Variants in CDH18 observed in about 807,000 individuals in gnomAD.
The protein encoded by CDH18 is cadherin 18.
In CDH18, 31 loss-of-function variants were observed where a neutral mutation model predicts 67.9. The ratio of observed to expected loss-of-function variants is 0.46; its 90% CI spans 0.34 to 0.62. CDH18 has a LOEUF of 0.62. Ranked by LOEUF, CDH18 falls within the 20% of genes least tolerant of loss-of-function variation. The pLI, the probability that CDH18 is intolerant of heterozygous loss-of-function variation, is 0.01. For synonymous variants in CDH18, 362 were observed against 347.2 expected, an observed-to-expected ratio of 1.04 and a Z score of -0.48; for missense variants, 890 against 975.5, an observed-to-expected ratio of 0.91 and a Z score of 1.17.
At chr5:20,456,462 C>T (rs1052406928) in intron 1 of CDH18, among the ~76,000 whole-genome samples, 1 of 152,098 alleles carries the variant, frequency 6.6e-6, no homozygotes, top group Non-Finnish European at 1.5e-5. Context: ...AAACAACCCT[C>T]CACTCAAATG....
At chr5:19,717,592 T>C (rs537401063) in intron 5 of CDH18, among the ~76,000 whole-genome samples, 30 of 152,200 alleles carry the variant, frequency 2.0e-4, no homozygotes, top group African/African-American at 7.2e-4. Flanking sequence ...GAAATATTGA[T>C]TTATTTTTAA....
intron 2 of CDH18, among the ~76,000 whole-genome samples, chr5:20,025,928 G>T (rs959205703): frequency 2.0e-5 from 3 of 152,054 alleles, no homozygotes; most frequent in Non-Finnish European, 2.9e-5. Flanking sequence ...ACCTGTGCTT[G>T]GAAATATGTT....
chr5:20,376,068 A>G (rs894234264), intron 1 of CDH18, among the ~76,000 whole-genome samples: 2 of 144,012 alleles, frequency 1.4e-5, no homozygotes, highest in African/African-American at 5.0e-5. Flanking sequence ...CGGATCAAAC[A>G]GTAAGCAATT....
At chr5:20,540,962 A>G (rs531663454) in intron 1 of CDH18, among the ~76,000 whole-genome samples, 2 of 152,206 alleles carry the variant, frequency 1.3e-5, no homozygotes, top group Non-Finnish European at 2.9e-5. Context: ...CAGTGAAGAC[A>G]TTAGTGATGA....
intron 11 of CDH18, among the ~76,000 whole-genome samples, chr5:19,488,298 T>G (rs774299165): frequency 1.4e-4 from 21 of 152,206 alleles, no homozygotes; most frequent in Non-Finnish European, 5.9e-5. Context: ...ACTGAAATTA[T>G]CAGACACCTA....
chr5:19,953,916 T>C (rs1796028703), intron 2 of CDH18, among the ~76,000 whole-genome samples: 1 of 152,098 alleles, frequency 6.6e-6, no homozygotes, highest in Admixed American at 6.6e-5. Context: ...ACTAGAGTTA[T>C]AATTTTTCCT....
At chr5:20,151,510 T>C (rs1370133581) in intron 2 of CDH18, among the ~76,000 whole-genome samples, 1 of 152,122 alleles carries the variant, frequency 6.6e-6, no homozygotes, top group African/African-American at 2.4e-5. Context: ...TACCCAATAA[T>C]GGGATTGTTG....
chr5:19,719,929 GA>G, intron 5 of CDH18, among the ~76,000 whole-genome samples: 1 of 150,700 alleles, frequency 6.6e-6, no homozygotes, highest in East Asian at 1.9e-4. Context: ...AAGAAAGAAA[GA>G]AAGAAAGAAA....
intron 1 of CDH18, among the ~76,000 whole-genome samples, chr5:19,984,821 C>T (rs529955330): frequency 9.9e-5 from 15 of 152,244 alleles, no homozygotes; most frequent in Admixed American, 3.9e-4. Flanking sequence ...CAGTTCTTTT[C>T]CATTGTGCTA....
At chr5:20,316,012 T>A (rs944381584) in intron 1 of CDH18, among the ~76,000 whole-genome samples, 1 of 152,080 alleles carries the variant, frequency 6.6e-6, no homozygotes, top group Non-Finnish European at 1.5e-5. Context: ...TAGACAAGCA[T>A]GACACGATCA....
rs144839584 is a variant in CDH18 at position 19,900,399 on chromosome 5, A to G, written c.-256-61157T>C. Among the ~76,000 whole-genome samples, 255 of 152,312 alleles carry G rather than the reference A, an allele frequency of 1.7e-3. 3 individuals are homozygous for G. The highest frequency in any genetic ancestry group is 5.2e-3 in the African/African-American group (216 of 41,584). On this transcript the variant is annotated intron_variant, in intron 2 of 12. Transcript: ENST00000382275. ...AGAGTGGTTTTTGAATGTTCTCATA[A>G]CAAATAAATGATAAATGTTTAAGCT...
chr5:19,514,901 T>G (rs12659040), intron 10 of CDH18, among the ~76,000 whole-genome samples: 44,593 of 152,082 alleles, frequency 0.29, 6,654 homozygotes, highest in South Asian at 0.4. Flanking sequence ...TTTTGGTGTT[T>G]TAGTCATGAA....
chr5:20,206,440 C>CA (rs376525926), intron 2 of CDH18, among the ~76,000 whole-genome samples: 11 of 149,906 alleles, frequency 7.3e-5, no homozygotes, highest in East Asian at 3.9e-4. Flanking sequence ...TCAAAGTCTT[C>CA]AAAAAAAAAT....
At chr5:19,743,338 T>C (rs1315276286) in intron 4 of CDH18, among the ~76,000 whole-genome samples, 1 of 152,172 alleles carries the variant, frequency 6.6e-6, no homozygotes, top group Admixed American at 6.5e-5. Flanking sequence ...CCTCTAATTG[T>C]TCCTTGCCTC....
intron 1 of CDH18, among the ~76,000 whole-genome samples, chr5:20,564,935 C>T (rs1485310450): frequency 1.3e-5 from 2 of 152,190 alleles, no homozygotes; most frequent in Non-Finnish European, 2.9e-5. Flanking sequence ...TTATATATCA[C>T]ATGACCACCA....
intron 3 of CDH18, among the ~76,000 whole-genome samples, chr5:19,800,591 A>G (rs1209185455): frequency 6.6e-6 from 1 of 152,188 alleles, no homozygotes; most frequent in Non-Finnish European, 1.5e-5. Context: ...TATATTGAAA[A>G]GGCAATCAAA....
intron 2 of CDH18, among the ~76,000 whole-genome samples, chr5:19,966,892 A>T (rs1427194491): frequency 6.6e-6 from 1 of 152,088 alleles, no homozygotes; most frequent in East Asian, 1.9e-4. Flanking sequence ...GCTACATAAC[A>T]AAAATTACAG....
chr5:20,474,898 TTTTTC>T (rs1752331794), intron 1 of CDH18, among the ~76,000 whole-genome samples: 1 of 152,232 alleles, frequency 6.6e-6, no homozygotes. Context: ...GTTTCTTGGC[TTTTTC>T]TTTTCATTTA....
chr5:20,438,644 T>C (rs73766069), intron 1 of CDH18, among the ~76,000 whole-genome samples: 2,715 of 151,466 alleles, frequency 0.018, 120 homozygotes, highest in African/African-American at 0.054. Context: ...ATATGATCAA[T>C]ATGAGAAATG....
Sources: allele counts gnomAD v4.1 joint callset (sites outside exome capture counted in the v4.1 genomes callset), GRCh38; gene constraint gnomAD v4.1.1; transcripts MANE v1.5; gene names NCBI Gene and HGNC (gene_info 2026-07-23, HGNC 2026-07-21).